DACH2: variants seen among roughly 807,000 people sequenced by gnomAD.
DACH2 encodes the protein dachshund homolog 2.
A neutral mutation model predicts 35.8 loss-of-function variants in DACH2; 17 were observed. The ratio of observed to expected loss-of-function variants is 0.48; its 90% CI spans 0.33 to 0.71. The LOEUF is 0.71. Ranked by LOEUF, DACH2 falls within the 30% of genes least tolerant of loss-of-function variation. The pLI is 0.02. For missense variants in DACH2, 469 were observed against 472.7 expected, an observed-to-expected ratio of 0.99 and a Z score of 0.07; for synonymous variants, 195 against 177.3, an observed-to-expected ratio of 1.10 and a Z score of -0.79.
rs529183782 is a variant in DACH2 at position 86,582,822 on chromosome X, A to T, written c.641-68214A>T. Among the ~76,000 whole-genome samples, 38 of 109,748 alleles carry T rather than the reference A, an allele frequency of 3.5e-4. 1 individual carries two copies. The South Asian group carries it at 3.5e-3, about 10-fold the overall frequency. On this transcript the variant is annotated intron_variant, in intron 3 of 11. Transcript: ENST00000373125. The stretch of plus-strand genomic sequence containing the variant: ...GTACCATTCCTACTAAAACTATTTA[A>T]AAAAAAAATGAGGAGGAGAAACTCC...
chrX:86,457,555 A>G (rs923340165), intron 2 of DACH2, among the ~76,000 whole-genome samples: 3 of 112,502 alleles, frequency 2.7e-5, no homozygotes, highest in African/African-American at 9.7e-5. Context: ...TTTATTGAAA[A>G]CTTACATGCT....
At chrX:86,638,158 G>C (rs1469080856) in intron 3 of DACH2, among the ~76,000 whole-genome samples, 1 of 111,624 alleles carries the variant, frequency 9.0e-6, no homozygotes, top group Non-Finnish European at 1.9e-5. Flanking sequence ...ACATACACTG[G>C]GGAACGGACA....
intron 1 of DACH2, among the ~76,000 whole-genome samples, chrX:86,329,286 A>T (rs2035170347): frequency 8.9e-6 from 1 of 111,794 alleles, no homozygotes; most frequent in East Asian, 2.8e-4. Flanking sequence ...GGGAAAAAAA[A>T]ATGAGCTATA....
intron 1 of DACH2, among the ~76,000 whole-genome samples, chrX:86,241,156 C>T (rs971924573): frequency 8.9e-6 from 1 of 111,787 alleles, no homozygotes; most frequent in Non-Finnish European, 1.9e-5. Flanking sequence ...ATTTGGAAGT[C>T]TCAGAAGAAG....
intron 1 of DACH2, among the ~76,000 whole-genome samples, chrX:86,171,178 T>C (rs779141789): frequency 9.0e-6 from 1 of 110,710 alleles, no homozygotes; most frequent in East Asian, 2.8e-4. Flanking sequence ...CCTATCCTGC[T>C]GTAGCTGAGC....
At position 86,254,803 on chromosome X, in the gene DACH2, TATATAG is replaced by T. The variant is rs2033479982; in HGVS notation, c.488+105697_488+105702del. The stretch of plus-strand genomic sequence containing the variant: ...ATAAATATATATATATATATATATA[TATATAG>T]AGAGAGAGAGAGAGAGAGAGAGAGA... On this transcript the variant is annotated intron_variant, in intron 1 of 11. Transcript: ENST00000373125. 4.6e-5 allele frequency among the ~76,000 whole-genome samples: 3 copies of T among 65,162 alleles called. 1 individual carries two copies. Among genetic ancestry groups the T allele is most frequent in the Admixed American group, 3.3e-4 (2 of 6,022 alleles). The allele number at this position is 65,162 out of a possible 115,157, so 56.6% of individuals were successfully genotyped here.
chrX:86,210,073 G>C (rs776649899), intron 1 of DACH2, among the ~76,000 whole-genome samples: 2 of 111,723 alleles, frequency 1.8e-5, no homozygotes, highest in Non-Finnish European at 3.8e-5. Context: ...ACACTGTGAT[G>C]ATAATTTGAT....
At chrX:86,768,257 A>G (rs1001796587) in intron 7 of DACH2, among the ~76,000 whole-genome samples, 13 of 111,832 alleles carry the variant, frequency 1.2e-4, no homozygotes, top group Non-Finnish European at 2.1e-4. Flanking sequence ...AAGTAATTAC[A>G]ATTGAAAATC....
intron 4 of DACH2, among the ~76,000 whole-genome samples, chrX:86,690,460 A>C (rs2040996545): frequency 9.0e-6 from 1 of 111,649 alleles, no homozygotes; most frequent in Admixed American, 9.6e-5. Flanking sequence ...TTTTTAACTA[A>C]GTGGATAAAA....
At chrX:86,252,170 GC>G (rs761804674) in intron 1 of DACH2, among the ~76,000 whole-genome samples, 1 of 110,292 alleles carries the variant, frequency 9.1e-6, no homozygotes, top group South Asian at 3.9e-4. Flanking sequence ...CATACCCTTA[GC>G]CCTCTTTTTG....
At chrX:86,219,695 C>T (rs1478158151) in intron 1 of DACH2, among the ~76,000 whole-genome samples, 1 of 111,032 alleles carries the variant, frequency 9.0e-6, no homozygotes, top group South Asian at 3.8e-4. Flanking sequence ...TGTGCAAAAG[C>T]TTTTTAGTTT....
intron 1 of DACH2, among the ~76,000 whole-genome samples, chrX:86,167,031 T>A (rs1411270474): frequency 9.0e-6 from 1 of 111,468 alleles, no homozygotes; most frequent in Non-Finnish European, 1.9e-5. Context: ...TTTTTTGATG[T>A]GTTTTTGTCT....
intron 1 of DACH2, among the ~76,000 whole-genome samples, chrX:86,166,378 A>G (rs2030945304): frequency 1.8e-5 from 2 of 111,520 alleles, no homozygotes; most frequent in Non-Finnish European, 3.8e-5. Context: ...CACTGTTGGC[A>G]TATAGAAATG....
At position 86,392,728 on chromosome X, in the gene DACH2, C is replaced by T. The variant is rs2036223177; in HGVS notation, c.527+15866C>T. On this transcript the variant is annotated intron_variant, in intron 2 of 11. Transcript: ENST00000373125. The stretch of plus-strand genomic sequence containing the variant: ...AAAAATAACACTTAGATATTGCTTA[C>T]TCACCTGATTTGCTTCTCTGTCTCC... 1.8e-5 allele frequency among the ~76,000 whole-genome samples: 2 copies of T among 112,045 alleles called. 1 individual carries two copies. The highest frequency in any genetic ancestry group is 7.4e-4 in the South Asian group (2 of 2,709).
chrX:86,543,991 T>TA (rs982035294), intron 3 of DACH2, among the ~76,000 whole-genome samples: 1 of 110,321 alleles, frequency 9.1e-6, no homozygotes, highest in South Asian at 3.9e-4. Context: ...ATAATAATAA[T>TA]AAAAAAAGAA....
intron 1 of DACH2, among the ~76,000 whole-genome samples, chrX:86,339,274 A>G (rs977886955): frequency 1.2e-4 from 13 of 111,968 alleles, no homozygotes; most frequent in African/African-American, 3.6e-4. Context: ...AGTGATCAAG[A>G]ACTTATTCCT....
intron 6 of DACH2, among the ~76,000 whole-genome samples, chrX:86,734,287 C>A (rs1168775881): frequency 3.6e-5 from 4 of 110,775 alleles, no homozygotes; most frequent in African/African-American, 9.8e-5. Flanking sequence ...CCCAATCTGG[C>A]ATCATTTCTT....
At chrX:86,804,320 C>G (rs2042322378) in intron 7 of DACH2, among the ~76,000 whole-genome samples, 1 of 111,560 alleles carries the variant, frequency 9.0e-6, no homozygotes, top group Non-Finnish European at 1.9e-5. Flanking sequence ...TGAGAACTGA[C>G]TCACTCACTA....
chrX:86,370,059 T>C (rs2035863743), intron 1 of DACH2, among the ~76,000 whole-genome samples: 1 of 111,672 alleles, frequency 9.0e-6, no homozygotes, highest in Admixed American at 9.6e-5. Flanking sequence ...CATGCCAGCA[T>C]TGTGTGGGTT....
Sources: gnomAD v4.1 joint callset for allele counts (sites outside exome capture counted in the v4.1 genomes callset) on GRCh38, gnomAD v4.1.1 for gene constraint, MANE v1.5 for transcripts, NCBI Gene and HGNC (gene_info 2026-07-23, HGNC 2026-07-21) for gene names.